Variants in PKNOX2 observed in about 807,000 individuals in gnomAD.
PKNOX2 encodes PBX/knotted 1 homeobox 2.
PKNOX2 carries 14 observed loss-of-function variants against 53.1 expected under a neutral mutation model. The observed-to-expected ratio is 0.26, with a 90% CI of 0.17 to 0.41. The LOEUF is 0.41. Ranked by LOEUF, PKNOX2 falls within the 10% of genes least tolerant of loss-of-function variation. The pLI is 1.00. For missense variants in PKNOX2, 496 were observed against 602.8 expected (o/e 0.82, Z 1.85); for synonymous variants, 257 against 242.8 (o/e 1.06, Z -0.54).
chr11:125,382,780 T>C (rs1297614681), intron 5 of PKNOX2, among the ~76,000 whole-genome samples: 1 of 152,214 alleles, frequency 6.6e-6, no homozygotes, highest in Non-Finnish European at 1.5e-5. Context: ...TGAAGACTTA[T>C]ACTGGAGTTT....
intron 2 of PKNOX2, among the ~76,000 whole-genome samples, chr11:125,249,989 C>T (rs887166074): frequency 6.2e-5 from 9 of 145,660 alleles, no homozygotes; most frequent in African/African-American, 1.0e-4. Context: ...CGCTTGTACC[C>T]GGGAGGCAGA....
intron 5 of PKNOX2, among the ~76,000 whole-genome samples, chr11:125,375,219 A>T (rs1207781261): frequency 6.6e-6 from 1 of 152,122 alleles, no homozygotes; most frequent in African/African-American, 2.4e-5. Context: ...GAGAGGAGAG[A>T]TCTGTAAAAA....
intron 2 of PKNOX2, among the ~76,000 whole-genome samples, chr11:125,322,512 T>A (rs1949576330): frequency 6.6e-6 from 1 of 152,162 alleles, no homozygotes; most frequent in Non-Finnish European, 1.5e-5. Flanking sequence ...TGAAGCCCAC[T>A]AATGACCACC....
At chr11:125,358,398 C>T (rs899451008) in intron 4 of PKNOX2, among the ~76,000 whole-genome samples, 1 of 152,168 alleles carries the variant, frequency 6.6e-6, no homozygotes, top group Admixed American at 6.6e-5. Context: ...CATCAGTTCC[C>T]GGGAAAATGC....
chr11:125,232,970 G>GA (rs59582397), intron 1 of PKNOX2, among the ~76,000 whole-genome samples: 4 of 151,472 alleles, frequency 2.6e-5, no homozygotes, highest in East Asian at 1.9e-4. Flanking sequence ...AAGAGTCTGT[G>GA]AAAAAAAAGT....
At chr11:125,394,202 T>C (rs896715534) in intron 6 of PKNOX2, among the ~76,000 whole-genome samples, 1 of 152,186 alleles carries the variant, frequency 6.6e-6, no homozygotes, top group African/African-American at 2.4e-5. Flanking sequence ...CTGAGAGACA[T>C]AGACCAAGAT....
At chr11:125,368,406 T>A (rs1952312411) in intron 5 of PKNOX2, among the ~76,000 whole-genome samples, 1 of 152,172 alleles carries the variant, frequency 6.6e-6, no homozygotes, top group Admixed American at 6.5e-5. Flanking sequence ...TCAGGAGGCA[T>A]GAAAGTCACA....
chr11:125,307,275 C>A (rs1948525074), intron 2 of PKNOX2, among the ~76,000 whole-genome samples: 1 of 152,144 alleles, frequency 6.6e-6, no homozygotes, highest in African/African-American at 2.4e-5. Context: ...ATGGACAGGA[C>A]TTGACATTAA....
At chr11:125,412,521 A>G (rs555409706) in intron 10 of PKNOX2, among the ~76,000 whole-genome samples, 1 of 152,340 alleles carries the variant, frequency 6.6e-6, no homozygotes, top group South Asian at 2.1e-4. Context: ...ATTAGTTGCA[A>G]AAGACGAGCC....
intron 2 of PKNOX2, among the ~76,000 whole-genome samples, chr11:125,286,470 T>TA (rs1430213859): frequency 6.6e-6 from 1 of 152,232 alleles, no homozygotes; most frequent in African/African-American, 2.4e-5. Context: ...TTCTTCAAAG[T>TA]AAGTTTTGCT....
intron 1 of PKNOX2, chr11:125,191,140 A>C (rs1337184825): frequency 6.6e-6 from 1 of 152,204 alleles, no homozygotes; most frequent in African/African-American, 2.4e-5. Flanking sequence ...CCTTATAATA[A>C]CATAGCTTAT....
intron 2 of PKNOX2, among the ~76,000 whole-genome samples, chr11:125,304,042 G>A (rs2135971241): frequency 6.6e-6 from 1 of 152,362 alleles, no homozygotes; most frequent in Admixed American, 6.5e-5. Flanking sequence ...TTGGGATCTG[G>A]ATGTCACAAG....
chr11:125,266,417 C>G (rs988995240), intron 2 of PKNOX2, among the ~76,000 whole-genome samples: 14 of 152,186 alleles, frequency 9.2e-5, no homozygotes, highest in African/African-American at 3.4e-4. Context: ...GATTCTTGAA[C>G]CTTTCATCCT....
intron 2 of PKNOX2, among the ~76,000 whole-genome samples, chr11:125,265,968 G>A (rs1348922729): frequency 1.3e-5 from 2 of 152,220 alleles, no homozygotes; most frequent in Non-Finnish European, 2.9e-5. Context: ...CAGCTGTGGT[G>A]TGGTGGAAAG....
intron 1 of PKNOX2, among the ~76,000 whole-genome samples, chr11:125,201,220 C>A (rs1423311605): frequency 1.3e-5 from 2 of 152,142 alleles, no homozygotes; most frequent in Admixed American, 6.5e-5. Context: ...GCGGGGTCTT[C>A]CTTTCCACTT....
chr11:125,313,315 G>A (rs935564272), intron 2 of PKNOX2, among the ~76,000 whole-genome samples: 2 of 152,162 alleles, frequency 1.3e-5, no homozygotes, highest in African/African-American at 4.8e-5. Flanking sequence ...GTGAGTTTGG[G>A]GAGGTTGCTG....
chr11:125,189,506 G>C (rs970004856), intron 1 of PKNOX2, among the ~76,000 whole-genome samples: 1 of 134,354 alleles, frequency 7.4e-6, no homozygotes, highest in Non-Finnish European at 1.6e-5. Flanking sequence ...AGCAAGGAGA[G>C]AGGGGTAGCC....
intron 1 of PKNOX2, among the ~76,000 whole-genome samples, chr11:125,211,084 G>A (rs1035174693): frequency 2.6e-5 from 4 of 152,148 alleles, no homozygotes; most frequent in East Asian, 1.9e-4. Context: ...GACAGTGAAC[G>A]TCAGTTCCCC....
chr11:125,251,318 G>A (rs938950636), intron 2 of PKNOX2, among the ~76,000 whole-genome samples: 11 of 152,098 alleles, frequency 7.2e-5, no homozygotes, highest in African/African-American at 9.7e-5. Context: ...CCTTGTAATT[G>A]TCTTTCTGTA....
Sources: allele counts gnomAD v4.1 joint callset (sites outside exome capture counted in the v4.1 genomes callset), GRCh38; gene constraint gnomAD v4.1.1; transcripts MANE v1.5; gene names NCBI Gene and HGNC (gene_info 2026-07-23, HGNC 2026-07-21).